The following KAT6B variants were observed in gnomAD, a reference collection of about 807,000 sequenced individuals.
KAT6B encodes lysine acetyltransferase 6B, also known as histone acetyltransferase KAT6B.
A neutral mutation model predicts 187.5 loss-of-function variants in KAT6B; 10 were observed. The ratio of observed to expected loss-of-function variants is 0.05; its 90% CI spans 0.03 to 0.09. The LOEUF is 0.09. Ranked by LOEUF, KAT6B falls within the 10% of genes least tolerant of loss-of-function variation. KAT6B has a pLI of 1.00. For synonymous variants in KAT6B, 861 were observed against 926.8 expected (o/e 0.93, Z 1.29); for missense variants, 1,952 against 2,558.9 (o/e 0.76, Z 5.12).
intron 3 of KAT6B, among the ~76,000 whole-genome samples, chr10:74,920,903 A>G (rs1848062142): frequency 6.6e-6 from 1 of 152,130 alleles, no homozygotes; most frequent in South Asian, 2.1e-4. Flanking sequence ...CTGGGCATAA[A>G]ATGGTGCCCA....
chr10:74,943,168 G>A (rs974666702), intron 3 of KAT6B, among the ~76,000 whole-genome samples: 1 of 152,122 alleles, frequency 6.6e-6, no homozygotes, highest in African/African-American at 2.4e-5. Flanking sequence ...TTTTAAAGTT[G>A]CATTTCTATA....
intron 3 of KAT6B, among the ~76,000 whole-genome samples, chr10:74,887,167 A>G (rs1256339377): frequency 6.6e-6 from 1 of 152,046 alleles, no homozygotes; most frequent in South Asian, 2.1e-4. Context: ...GTTGGTTTCT[A>G]CCAGGTCAGG....
intron 3 of KAT6B, among the ~76,000 whole-genome samples, chr10:74,871,891 C>G (rs975640130): frequency 3.3e-5 from 5 of 152,182 alleles, no homozygotes; most frequent in African/African-American, 1.2e-4. Context: ...CTAACTCTCT[C>G]TAGACCTCAA....
chr10:74,851,508 T>G (rs1212994076), intron 3 of KAT6B, among the ~76,000 whole-genome samples: 2 of 152,180 alleles, frequency 1.3e-5, no homozygotes, highest in South Asian at 4.1e-4. Context: ...AATTTTTGTA[T>G]TTTTAGTAGA....
chr10:74,894,647 A>C (rs1845863349), intron 3 of KAT6B, among the ~76,000 whole-genome samples: 1 of 152,222 alleles, frequency 6.6e-6, no homozygotes, highest in Non-Finnish European at 1.5e-5. Flanking sequence ...TCGATAACTC[A>C]CATCAGTGGA....
intron 3 of KAT6B, among the ~76,000 whole-genome samples, chr10:74,939,642 G>A (rs908616855): frequency 6.6e-6 from 1 of 152,210 alleles, no homozygotes; most frequent in Admixed American, 6.5e-5. Context: ...CTTGTGATTC[G>A]CCCGCCTCGG....
chr10:74,935,658 G>T (rs1747557126), intron 3 of KAT6B, among the ~76,000 whole-genome samples: 1 of 152,168 alleles, frequency 6.6e-6, no homozygotes, highest in Admixed American at 6.5e-5. Context: ...CAAAATCCTG[G>T]CTGGTGAGGC....
rs1374390757 is a variant in KAT6B at position 74,931,154 on chromosome 10, C to G, written c.622-28816C>G. ...GGATTTTGTGGGGAAGTAAAGAGCT[C>G]TGGGCTGGTGAGGCTGGTAGGGGCG... On this transcript the variant is annotated intron_variant, in intron 3 of 17. Coordinates refer to ENST00000287239, the MANE Select transcript of KAT6B (RefSeq NM_012330.4). Among the ~76,000 whole-genome samples the G allele has an allele frequency of 2.0e-5, 3 of 152,252 alleles. No homozygotes were observed. In the East Asian group the frequency reaches 5.8e-4, roughly 29 times the overall value.
At chr10:74,989,187 CTTTA>C (rs1240372482) in intron 13 of KAT6B, 75 bp downstream of exon 13, 5 of 1,015,570 alleles carry the variant, frequency 4.9e-6, no homozygotes, top group African/African-American at 1.6e-5. Flanking sequence ...AAATATAAAA[CTTTA>C]TTTAACCTGC....
Position 74,866,448 on chromosome 10 carries a change from G to A in KAT6B, c.621+22970G>A, listed in dbSNP as rs1396717638. On this transcript the variant is annotated intron_variant, in intron 3 of 17. Transcript: ENST00000287239. ...CCCCTAATTGTTGAATCTAGGTGAA[G>A]GGCATACCAGTGTTCATTATGCTAC... 2.0e-5 allele frequency among the ~76,000 whole-genome samples: 3 copies of A among 152,064 alleles called. No homozygotes were observed. In the East Asian group the frequency reaches 5.8e-4, roughly 29 times the overall value.
At chr10:74,896,156 G>A (rs1465072979) in intron 3 of KAT6B, among the ~76,000 whole-genome samples, 2 of 152,070 alleles carry the variant, frequency 1.3e-5, no homozygotes, top group Non-Finnish European at 2.9e-5. Context: ...AGTATTGTGA[G>A]GACTTTTATA....
At chr10:74,996,567 G>A (rs935336256) in intron 13 of KAT6B, among the ~76,000 whole-genome samples, 1 of 151,880 alleles carries the variant, frequency 6.6e-6, no homozygotes, top group Non-Finnish European at 1.5e-5. Flanking sequence ...TCAGGAGATC[G>A]AGACCATCCT....
At chr10:74,985,627 C>T (rs1842757868) in intron 12 of KAT6B, among the ~76,000 whole-genome samples, 1 of 152,218 alleles carries the variant, frequency 6.6e-6, no homozygotes, top group African/African-American at 2.4e-5. Context: ...CTGTGGTCAA[C>T]AGTATCTCAG....
At chr10:74,941,367 A>G (rs1013725374) in intron 3 of KAT6B, among the ~76,000 whole-genome samples, 5 of 152,262 alleles carry the variant, frequency 3.3e-5, no homozygotes, top group African/African-American at 1.2e-4. Context: ...TCTGCCAATA[A>G]CATTACAAGT....
chr10:74,942,936 A>C (rs1354856919), intron 3 of KAT6B, among the ~76,000 whole-genome samples: 1 of 152,188 alleles, frequency 6.6e-6, no homozygotes, highest in Non-Finnish European at 1.5e-5. Context: ...TATGAAAAAG[A>C]AATGAAAGTT....
intron 3 of KAT6B, among the ~76,000 whole-genome samples, chr10:74,902,405 G>GC (rs1846465924): frequency 6.6e-6 from 1 of 152,078 alleles, no homozygotes; most frequent in South Asian, 2.1e-4. Flanking sequence ...ATTAGTTGGG[G>GC]CAAATACCAT....
intron 3 of KAT6B, among the ~76,000 whole-genome samples, chr10:74,920,319 C>T (rs1848018181): frequency 6.6e-6 from 1 of 152,144 alleles, no homozygotes; most frequent in African/African-American, 2.4e-5. Flanking sequence ...ATCCTTGAGA[C>T]CCCACCTGCT....
At position 74,975,866 on chromosome 10, in the gene KAT6B, C is replaced by T; in HGVS notation, c.1529C>T (p.Ser510Phe). Residue 510 changes from serine (S) to phenylalanine (F), a missense_variant, in exon 8 of 18, where the codon TCC (serine) becomes TTC (phenylalanine). Around this residue, in one of 9 missense-constraint regions of KAT6B, gnomAD observed 417 missense variants for 508.9 expected, o/e 0.82. Coordinates refer to ENST00000287239, the MANE Select transcript of KAT6B (RefSeq NM_012330.4). ...GGTCAGAGCCCCAGTTCACAAAAGT[C>T]CAGCACGGCCACTTCTTCTCCCTCT... Reference protein sequence around the residue: ...ISGQSPSSQKSSTATSSPSPQ... With the variant: ...ISGQSPSSQKFSTATSSPSPQ... 2 of 1,614,150 alleles carry T rather than the reference C, an allele frequency of 1.2e-6. No homozygotes were observed. Among genetic ancestry groups the T allele is most frequent in the Non-Finnish European group, 1.7e-6 (2 of 1,180,032 alleles).
chr10:74,882,279 A>C (rs996078531), intron 3 of KAT6B, among the ~76,000 whole-genome samples: 5 of 152,166 alleles, frequency 3.3e-5, no homozygotes, highest in Admixed American at 6.5e-5. Flanking sequence ...CCTCATCCTA[A>C]AACTGTCTGA....
Sources: gnomAD v4.1 joint callset for allele counts (sites outside exome capture counted in the v4.1 genomes callset) on GRCh38, gnomAD v4.1.1 for gene constraint, gnomAD v4.1.1 regional missense constraint, MANE v1.5 for transcripts, NCBI Gene and HGNC (gene_info 2026-07-23, HGNC 2026-07-21) for gene names.